SMCO4: variants seen among roughly 807,000 people sequenced by gnomAD.
SMCO4 encodes the protein single-pass membrane and coiled-coil domain-containing protein 4.
A neutral mutation model predicts 3.6 loss-of-function variants in SMCO4; 4 were observed. The ratio of observed to expected loss-of-function variants is 1.11; its 90% confidence interval spans 0.54 to 2.53. The LOEUF (loss-of-function observed/expected upper bound fraction) is 2.53. Among genes scored for constraint, SMCO4 ranks in the 30% most tolerant of loss-of-function variants. SMCO4 has a pLI of 0.02. For missense variants in SMCO4, 70 were observed against 80.8 expected, an observed-to-expected ratio of 0.87 and a Z score of 0.51; for synonymous variants, 36 against 35.3, an observed-to-expected ratio of 1.02 and a Z score of -0.07.
At chr11:93,529,622 C>A (rs1258188153) in intron 1 of SMCO4, among the ~76,000 whole-genome samples, 1 of 152,184 alleles carries the variant, frequency 6.6e-6, no homozygotes, top group East Asian at 1.9e-4. Context: ...CCTCATTACA[C>A]AAGGGCCAGG....
upstream of SMCO4, among the ~76,000 whole-genome samples, chr11:93,545,183 T>C (rs1334406802): frequency 6.6e-6 from 1 of 152,164 alleles, no homozygotes; most frequent in Admixed American, 6.5e-5. Flanking sequence ...TAAAAATTAA[T>C]GAATAATTTT....
At chr11:93,497,622 T>C (rs1326149843) in intron 2 of SMCO4, among the ~76,000 whole-genome samples, 1 of 151,364 alleles carries the variant, frequency 6.6e-6, no homozygotes, top group East Asian at 2.0e-4. Context: ...TAGTTTGCCA[T>C]GGCTTCCAAA....
rs77651582 is a variant in SMCO4, at chr11:93,504,741, A to C, written c.-153-5393T>G. Among the ~76,000 whole-genome samples the C allele has an allele frequency of 5.8e-4, 89 of 152,340 alleles. No homozygotes were observed. The East Asian group carries it at 0.016, about 27-fold the overall frequency. On this transcript the variant is annotated intron_variant, in intron 1 of 2. Coordinates refer to ENST00000298966, the MANE Select transcript of SMCO4 (RefSeq NM_020179.3). ...ATATATTCATACAAATAGTATATTAACATTTTCCCCAACGTGTGGGCAGTA... is the reference window on the plus strand; with the variant it reads ...ATATATTCATACAAATAGTATATTACCATTTTCCCCAACGTGTGGGCAGTA...
In SMCO4 at chr11:93,530,422, C is replaced by T. The variant is rs948550013; in HGVS notation, c.-154+12854G>A. ...AAGGGTGGTGGATCAAGGGTCAGTA[C>T]AGCACTAACATTTTTTAAAAACCTG... On this transcript the variant is annotated intron_variant, in intron 1 of 2. Coordinates refer to ENST00000298966, the MANE Select transcript of SMCO4 (RefSeq NM_020179.3). Among the ~76,000 whole-genome samples, 7 of 152,274 alleles carry T rather than the reference C, an allele frequency of 4.6e-5. No homozygotes were observed. The South Asian group carries it at 1.5e-3, about 32-fold the overall frequency.
intron 1 of SMCO4, among the ~76,000 whole-genome samples, chr11:93,537,146 C>T (rs1429117852): frequency 1.3e-5 from 2 of 152,254 alleles, no homozygotes; most frequent in African/African-American, 4.8e-5. Flanking sequence ...AATTCCCTTT[C>T]CCACGGCAGA....
At chr11:93,483,406 G>A (rs1325263249) in intron 2 of SMCO4, among the ~76,000 whole-genome samples, 3 of 152,216 alleles carry the variant, frequency 2.0e-5, no homozygotes, top group African/African-American at 7.2e-5. Flanking sequence ...CTTGCCTAAA[G>A]GAGAAGCTGG....
chr11:93,527,749 C>T (rs566173528), intron 1 of SMCO4, among the ~76,000 whole-genome samples: 2 of 152,252 alleles, frequency 1.3e-5, no homozygotes, highest in Admixed American at 6.5e-5. Context: ...GCATGAGACA[C>T]CACAACCAGC....
intron 1 of SMCO4, among the ~76,000 whole-genome samples, chr11:93,505,272 C>A (rs1486364403): frequency 6.6e-6 from 1 of 152,182 alleles, no homozygotes; most frequent in Non-Finnish European, 1.5e-5. Context: ...TTCCTACACA[C>A]CATTCACATA....
chr11:93,542,285 G>A (rs1481436670), intron 1 of SMCO4, among the ~76,000 whole-genome samples: 1 of 152,216 alleles, frequency 6.6e-6, no homozygotes, highest in Non-Finnish European at 1.5e-5. Context: ...GTGAGCAGAT[G>A]CGCTGTTGGG....
At chr11:93,482,943 G>A (rs1171215648) in intron 2 of SMCO4, among the ~76,000 whole-genome samples, 1 of 152,220 alleles carries the variant, frequency 6.6e-6, no homozygotes, top group Non-Finnish European at 1.5e-5. Flanking sequence ...AGAGAATGAT[G>A]TTTGAGGGGT....
At chr11:93,552,545 C>T in the SMCO4 span, among the ~76,000 whole-genome samples, 2 of 151,108 alleles carry the variant, frequency 1.3e-5, no homozygotes, top group Admixed American at 6.6e-5. Flanking sequence ...GATCTCGGCT[C>T]ACTGCAACCT....
intron 1 of SMCO4, among the ~76,000 whole-genome samples, chr11:93,511,504 T>C (rs969290561): frequency 3.9e-5 from 6 of 152,212 alleles, no homozygotes; most frequent in African/African-American, 1.4e-4. Flanking sequence ...TGTGTGGGTT[T>C]TCTCCAGGTA....
chr11:93,533,368 G>A (rs767380872), intron 1 of SMCO4, among the ~76,000 whole-genome samples: 12 of 152,140 alleles, frequency 7.9e-5, no homozygotes, highest in Non-Finnish European at 1.6e-4. Flanking sequence ...AGGAGTAAAC[G>A]GCAGACCTTT....
intron 1 of SMCO4, among the ~76,000 whole-genome samples, chr11:93,511,597 G>A (rs181051818): frequency 6.6e-6 from 1 of 152,184 alleles, no homozygotes; most frequent in East Asian, 1.9e-4. Flanking sequence ...TGTGTCTAAT[G>A]GTCCCCATCG....
intron 1 of SMCO4, among the ~76,000 whole-genome samples, chr11:93,526,342 A>AG (rs1187322863): frequency 2.0e-5 from 3 of 152,118 alleles, no homozygotes; most frequent in Non-Finnish European, 4.4e-5. Context: ...GACCAGGGAA[A>AG]GTTGCTATGT....
intron 1 of SMCO4, among the ~76,000 whole-genome samples, chr11:93,507,021 T>G (rs751119925): frequency 6.6e-6 from 1 of 152,202 alleles, no homozygotes; most frequent in Admixed American, 6.5e-5. Flanking sequence ...TATAGACACT[T>G]TGTCAAAAAT....
chr11:93,487,611 G>A (rs765971088), intron 2 of SMCO4, among the ~76,000 whole-genome samples: 8 of 152,200 alleles, frequency 5.3e-5, no homozygotes, highest in Non-Finnish European at 8.8e-5. Context: ...GTGGGTTGCC[G>A]AATGACAGAG....
At chr11:93,495,671 T>G (rs1007826556) in intron 2 of SMCO4, among the ~76,000 whole-genome samples, 13 of 152,004 alleles carry the variant, frequency 8.6e-5, no homozygotes, top group Admixed American at 2.0e-4. Flanking sequence ...AATATGTGGG[T>G]GGGGGATGGG....
At chr11:93,502,152 C>T (rs574207417) in intron 1 of SMCO4, among the ~76,000 whole-genome samples, 2 of 152,252 alleles carry the variant, frequency 1.3e-5, no homozygotes, top group Admixed American at 6.5e-5. Flanking sequence ...CCTCACATGG[C>T]CTTAGTTGTA....
Sources: gnomAD v4.1 joint callset for allele counts (sites outside exome capture counted in the v4.1 genomes callset) on GRCh38, gnomAD v4.1.1 for gene constraint, MANE v1.5 for transcripts, NCBI Gene and HGNC (gene_info 2026-07-23, HGNC 2026-07-21) for gene names.